The following CPNE4 variants were observed in gnomAD, a reference collection of about 807,000 sequenced individuals.
CPNE4 encodes copine-4.
CPNE4 carries 25 observed loss-of-function variants against 67.9 expected under a neutral mutation model. That is an observed-to-expected ratio of 0.37 (90% CI 0.27 to 0.51). The LOEUF (loss-of-function observed/expected upper bound fraction) is 0.51, where lower values mean the gene tolerates loss of function less well. CPNE4 is among the 20% of genes least tolerant of loss of function. The pLI is 0.93. For synonymous variants in CPNE4, 242 were observed against 244.9 expected (o/e 0.99, Z 0.11); for missense variants, 464 against 690.8 (o/e 0.67, Z 3.68).
chr3:131,963,149 G>C (rs567587715), intron 1 of CPNE4, among the ~76,000 whole-genome samples: 1 of 152,166 alleles, frequency 6.6e-6, no homozygotes, highest in East Asian at 1.9e-4. Flanking sequence ...AGTGCAAGGA[G>C]CTGGGGGAGC....
intron 7 of CPNE4, among the ~76,000 whole-genome samples, chr3:131,659,851 T>G (rs1204446910): frequency 6.6e-6 from 1 of 152,210 alleles, no homozygotes; most frequent in Non-Finnish European, 1.5e-5. Context: ...AGGTAAGGTA[T>G]GCCAGCTTTA....
At chr3:131,713,513 G>C (rs976372056) in intron 3 of CPNE4, among the ~76,000 whole-genome samples, 1 of 152,158 alleles carries the variant, frequency 6.6e-6, no homozygotes, top group African/African-American at 2.4e-5. Flanking sequence ...GAAAAGGAAA[G>C]AGATGAATGA....
intron 3 of CPNE4, among the ~76,000 whole-genome samples, chr3:131,721,533 C>G (rs1395273565): frequency 6.6e-6 from 1 of 151,730 alleles, no homozygotes; most frequent in Non-Finnish European, 1.5e-5. Flanking sequence ...GTAGCTGGGA[C>G]TATAGGCACC....
chr3:131,550,762 G>A (rs1264554411), intron 13 of CPNE4, among the ~76,000 whole-genome samples: 2 of 152,020 alleles, frequency 1.3e-5, no homozygotes, highest in Non-Finnish European at 2.9e-5. Context: ...CATCTCCTGG[G>A]CACTGAGTAC....
intron 7 of CPNE4, among the ~76,000 whole-genome samples, chr3:131,664,356 A>C (rs1340620792): frequency 6.6e-6 from 1 of 152,218 alleles, no homozygotes; most frequent in Non-Finnish European, 1.5e-5. Flanking sequence ...ATGTTGATCA[A>C]ATCAAATAAA....
intron 2 of CPNE4, among the ~76,000 whole-genome samples, chr3:131,801,242 CT>C (rs1040352417): frequency 2.0e-5 from 3 of 151,084 alleles, no homozygotes; most frequent in African/African-American, 7.3e-5. Context: ...TTCTAAAAAG[CT>C]TATGCTGCTT....
At chr3:131,761,344 T>C (rs183746664) in intron 2 of CPNE4, among the ~76,000 whole-genome samples, 31 of 151,860 alleles carry the variant, frequency 2.0e-4, no homozygotes, top group Admixed American at 2.0e-3. Flanking sequence ...GCCTGCTTAG[T>C]AGCTGAGACT....
intron 3 of CPNE4, among the ~76,000 whole-genome samples, chr3:131,719,104 C>A (rs1329052697): frequency 6.6e-6 from 1 of 152,198 alleles, no homozygotes; most frequent in African/African-American, 2.4e-5. Flanking sequence ...CAAAGTGGAT[C>A]AGTACAGTTT....
intron 15 of CPNE4, among the ~76,000 whole-genome samples, chr3:131,540,083 A>G (rs968069315): frequency 2.0e-5 from 3 of 152,112 alleles, no homozygotes; most frequent in Non-Finnish European, 4.4e-5. Flanking sequence ...CTTCCTAGGG[A>G]AACTTGAGGA....
At chr3:131,859,982 T>C (rs1290366724) in intron 2 of CPNE4, among the ~76,000 whole-genome samples, 1 of 152,158 alleles carries the variant, frequency 6.6e-6, no homozygotes, top group Non-Finnish European at 1.5e-5. Context: ...TTCCACACTA[T>C]TTAAAGTCAG....
chr3:131,750,240 T>C (rs1466426647), intron 2 of CPNE4, among the ~76,000 whole-genome samples: 10 of 152,198 alleles, frequency 6.6e-5, no homozygotes. Flanking sequence ...ATAGAGAGCA[T>C]ATAACTGGGT....
chr3:131,596,418 C>A (rs984145112), intron 7 of CPNE4, among the ~76,000 whole-genome samples: 2 of 117,130 alleles, frequency 1.7e-5, no homozygotes, highest in Non-Finnish European at 3.5e-5. Context: ...GTCAGGAGAT[C>A]GAGACCATCC....
intron 3 of CPNE4, among the ~76,000 whole-genome samples, chr3:131,717,914 C>CT (rs1201337013): frequency 4.3e-5 from 6 of 138,958 alleles, no homozygotes; most frequent in East Asian, 2.3e-4. Flanking sequence ...TTCTTTCTTT[C>CT]TTTCTTTCTT....
intron 1 of CPNE4, among the ~76,000 whole-genome samples, chr3:132,020,393 C>A (rs1032784149): frequency 4.6e-5 from 7 of 152,176 alleles, no homozygotes; most frequent in African/African-American, 1.7e-4. Flanking sequence ...GCGTGCCTCC[C>A]TCTAAAATGT....
At chr3:131,796,252 T>G (rs1229818696) in intron 2 of CPNE4, among the ~76,000 whole-genome samples, 3 of 152,010 alleles carry the variant, frequency 2.0e-5, no homozygotes. Flanking sequence ...TTCTGCCACA[T>G]TAAGCCATTT....
chr3:131,835,466 T>C (rs1258618559), intron 2 of CPNE4, among the ~76,000 whole-genome samples: 4 of 151,978 alleles, frequency 2.6e-5, no homozygotes, highest in Non-Finnish European at 5.9e-5. Flanking sequence ...GAAGTAGAGA[T>C]TGCAGTGAGC....
At chr3:131,662,311 C>T (rs1259252271) in intron 7 of CPNE4, among the ~76,000 whole-genome samples, 1 of 152,074 alleles carries the variant, frequency 6.6e-6, no homozygotes, top group African/African-American at 2.4e-5. Flanking sequence ...AATACAATTT[C>T]AATTGAAGAT....
chr3:131,661,461 G>C (rs2080122509), intron 7 of CPNE4, among the ~76,000 whole-genome samples: 1 of 152,164 alleles, frequency 6.6e-6, no homozygotes, highest in African/African-American at 2.4e-5. Context: ...AACACTATTT[G>C]AGCTGGCTAC....
intron 2 of CPNE4, among the ~76,000 whole-genome samples, chr3:131,887,491 C>G (rs946425169): frequency 6.6e-6 from 1 of 152,200 alleles, no homozygotes; most frequent in Non-Finnish European, 1.5e-5. Context: ...AATGAAAATA[C>G]TGACCTCAGT....
Sources: gnomAD v4.1 joint callset for allele counts (sites outside exome capture counted in the v4.1 genomes callset) on GRCh38, gnomAD v4.1.1 for gene constraint, MANE v1.5 for transcripts, NCBI Gene and HGNC (gene_info 2026-07-23, HGNC 2026-07-21) for gene names.